UGT2B7: variants seen among roughly 807,000 people sequenced by gnomAD.
The protein encoded by UGT2B7 is UDP-glucuronosyltransferase 2B7.
Under a neutral mutation model 51.9 loss-of-function variants are expected in UGT2B7, and 51 were observed. That is an observed-to-expected ratio of 0.98 (90% CI 0.78 to 1.24). The LOEUF is 1.24. Among genes scored for constraint, UGT2B7 ranks in the 50% most tolerant of loss-of-function variants. The pLI is 0.00. For synonymous variants in UGT2B7, 225 were observed against 211.6 expected (o/e 1.06, Z -0.55); for missense variants, 727 against 628.4 (o/e 1.16, Z -1.68).
Position 69,103,056 on chromosome 4 carries a change from G to A in UGT2B7, c.1002+118G>A, listed in dbSNP as rs1048277645. ...AAGTTGACCAAAAGTTGAAAAATTA[G>A]AACAAGGATAATCTTGGAGAAACTA... is the stretch of plus-strand genomic sequence containing the variant. On this transcript the variant is annotated intron_variant, in intron 3 of 5. Transcript: ENST00000305231. 1.3e-6 allele frequency: 2 copies of A among 1,501,968 alleles called. No homozygotes were observed. Among genetic ancestry groups the A allele is most frequent in the Non-Finnish European group, 1.8e-6 (2 of 1,126,190 alleles). The allele number at this position is 1,501,968 out of a possible 1,614,324, so 93.0% of individuals were successfully genotyped here.
chr4:69,108,771 A>G (rs1457384228), intron 5 of UGT2B7, among the ~76,000 whole-genome samples: 1 of 152,068 alleles, frequency 6.6e-6, no homozygotes, highest in African/African-American at 2.4e-5. Context: ...TGATAGCATA[A>G]AACCCCCCTG....
chr4:69,101,632 T>C (rs1424040251), intron 2 of UGT2B7, among the ~76,000 whole-genome samples: 1 of 111,416 alleles, frequency 9.0e-6, no homozygotes, highest in Non-Finnish European at 1.7e-5. Context: ...CATGTTAAGA[T>C]TAAAAATCAT....
intron 1 of UGT2B7, among the ~76,000 whole-genome samples, chr4:69,073,605 T>TAA (rs1272737350): frequency 6.6e-6 from 1 of 152,166 alleles, no homozygotes; most frequent in Non-Finnish European, 1.5e-5. Flanking sequence ...TAATCCACCA[T>TAA]AATGAGGACA....
intron 5 of UGT2B7, 67 bp downstream of exon 5, chr4:69,108,389 G>C: frequency 6.5e-7 from 1 of 1,549,186 alleles, no homozygotes; most frequent in Non-Finnish European, 8.8e-7. Context: ...TAGTGAGTGT[G>C]AGTTTCATCC....
chr4:69,102,989 A>T, intron 3 of UGT2B7, 51 bp downstream of exon 3: 2 of 1,578,752 alleles, frequency 1.3e-6, no homozygotes, highest in Non-Finnish European at 1.7e-6. Flanking sequence ...GAGGCTGTTA[A>T]AGTTTGAAGT....
At chr4:69,098,026 A>G (rs1719297654) in intron 1 of UGT2B7, among the ~76,000 whole-genome samples, 2 of 152,042 alleles carry the variant, frequency 1.3e-5, no homozygotes, top group Admixed American at 6.6e-5. Flanking sequence ...AATCTAAAAG[A>G]GTAGTTGGTA....
intron 1 of UGT2B7, among the ~76,000 whole-genome samples, chr4:69,051,939 C>T (rs1258272294): frequency 6.6e-6 from 1 of 152,092 alleles, no homozygotes; most frequent in Non-Finnish European, 1.5e-5. Flanking sequence ...TGCCCTTTTA[C>T]CTGTTCTTTG....
intron 1 of UGT2B7, among the ~76,000 whole-genome samples, chr4:69,078,614 G>C (rs545167232): frequency 3.9e-5 from 6 of 152,134 alleles, no homozygotes; most frequent in Admixed American, 1.3e-4. Context: ...ATGACTGTGT[G>C]TATTTTGTTA....
At chr4:69,055,187 A>T (rs931893676) in intron 1 of UGT2B7, among the ~76,000 whole-genome samples, 4 of 151,022 alleles carry the variant, frequency 2.6e-5, no homozygotes, top group Admixed American at 2.0e-4. Context: ...AATAGTAAGC[A>T]GCATGAGATA....
chr4:69,097,920 G>T (rs1201521612), intron 1 of UGT2B7, among the ~76,000 whole-genome samples: 1 of 151,912 alleles, frequency 6.6e-6, no homozygotes, highest in Non-Finnish European at 1.5e-5. Flanking sequence ...ACAAATTAAG[G>T]TTGAGTACAA....
intron 2 of UGT2B7, among the ~76,000 whole-genome samples, chr4:69,102,209 T>C (rs4314347): frequency 0.2 from 29,940 of 152,096 alleles, 3,118 homozygotes; most frequent in South Asian, 0.28. Context: ...TTTTAGTTTT[T>C]GAAAAACTAC....
At chr4:69,098,100 A>C (rs1445619426) in intron 1 of UGT2B7, among the ~76,000 whole-genome samples, 1 of 152,056 alleles carries the variant, frequency 6.6e-6, no homozygotes, top group East Asian at 1.9e-4. Flanking sequence ...TAAAAGAATT[A>C]GCTTAATGAG....
rs1197970728 is a variant in UGT2B7 at position 69,111,178 on chromosome 4, A to G, written c.1311-1279A>G. 2.0e-5 allele frequency among the ~76,000 whole-genome samples: 3 copies of G among 152,130 alleles called. No individual in the cohort carries two copies. In the East Asian group the frequency reaches 5.8e-4, roughly 29 times the overall value. ...GGAGCTTAAAGTAAAATAGAAGGCC[A>G]ATCTAGAAGACAGTGTGCAGGGGAA... On this transcript the variant is annotated intron_variant, in intron 5 of 5. Coordinates refer to ENST00000305231, the MANE Select transcript of UGT2B7 (RefSeq NM_001074.4).
In UGT2B7 at chr4:69,112,896, T is replaced by G. The variant is rs1178511708; in HGVS notation, c.*160T>G. Reference sequence around the variant, plus strand: ...TTTACTTTGTCAAATAAAAATTTGTTTTTCAGAGATTTACCACCCAGTTCA... The same window carrying G: ...TTTACTTTGTCAAATAAAAATTTGTGTTTCAGAGATTTACCACCCAGTTCA... On this transcript the variant is annotated 3_prime_UTR_variant, in exon 6 of 6. Coordinates refer to ENST00000305231, the MANE Select transcript of UGT2B7 (RefSeq NM_001074.4). 1 of 1,164,664 alleles carries G rather than the reference T, an allele frequency of 8.6e-7. No homozygotes were observed. 72.1% of individuals were successfully genotyped at this position (1,164,664 alleles called of 1,614,324 possible).
At chr4:69,065,084 C>T (rs1718456692) in intron 1 of UGT2B7, among the ~76,000 whole-genome samples, 1 of 151,998 alleles carries the variant, frequency 6.6e-6, no homozygotes, top group African/African-American at 2.4e-5. Context: ...TTCACTAGCA[C>T]AATAAGTAGG....
chr4:69,107,307 A>T, intron 4 of UGT2B7, 45 bp downstream of exon 4: 1 of 1,541,940 alleles, frequency 6.5e-7, no homozygotes, highest in East Asian at 2.3e-5. Context: ...GTAACAGCAC[A>T]TTAGAGTGTT....
chr4:69,099,257 C>CAAAAAAAAAAAAAA (rs58121670), intron 2 of UGT2B7, among the ~76,000 whole-genome samples: 2 of 105,752 alleles, frequency 1.9e-5, no homozygotes, highest in Non-Finnish European at 2.1e-5. Flanking sequence ...GAGAGACAGA[C>CAAAAAAAAAAAAAA]AAAAAAAAAA....
At chr4:69,099,469 A>G (rs1189974442) in intron 2 of UGT2B7, among the ~76,000 whole-genome samples, 1 of 152,040 alleles carries the variant, frequency 6.6e-6, no homozygotes, top group East Asian at 1.9e-4. Context: ...TTCTCTTTTT[A>G]AAGGAGAGCT....
At chr4:69,109,311 A>G (rs1257320430) in intron 5 of UGT2B7, among the ~76,000 whole-genome samples, 2 of 152,156 alleles carry the variant, frequency 1.3e-5, no homozygotes, top group East Asian at 3.9e-4. Context: ...AAGAACTGCT[A>G]AACTGTCTTC....
Sources: gnomAD v4.1 joint callset for allele counts (sites outside exome capture counted in the v4.1 genomes callset) on GRCh38, gnomAD v4.1.1 for gene constraint, MANE v1.5 for transcripts, NCBI Gene and HGNC (gene_info 2026-07-23, HGNC 2026-07-21) for gene names.